Variants in MTSS1 observed in about 807,000 individuals in gnomAD.
The protein encoded by MTSS1 is MTSS I-BAR domain containing 1.
Under a neutral mutation model 79.0 loss-of-function variants are expected in MTSS1, and 18 were observed. The ratio of observed to expected loss-of-function variants is 0.23; its 90% CI spans 0.16 to 0.34. The LOEUF is 0.34. MTSS1 is among the 10% of genes least tolerant of loss of function. The probability of loss-of-function intolerance (pLI) is 1.00; values close to 1 mark genes in which losing one functional copy is unlikely to be tolerated. For synonymous variants in MTSS1, 341 were observed against 368.6 expected, an observed-to-expected ratio of 0.93 and a Z score of 0.86; for missense variants, 815 against 986.2, an observed-to-expected ratio of 0.83 and a Z score of 2.33.
At chr8:124,614,227 C>T (rs889523444) in intron 3 of MTSS1, among the ~76,000 whole-genome samples, 3 of 151,902 alleles carry the variant, frequency 2.0e-5, no homozygotes, top group African/African-American at 4.8e-5. Flanking sequence ...ACATGGGTCC[C>T]GCCCCACACA....
intron 6 of MTSS1, chr8:124,580,526 C>G: frequency 6.5e-7 from 1 of 1,535,860 alleles, no homozygotes; most frequent in Non-Finnish European, 8.7e-7. Flanking sequence ...GAGCAGCCAC[C>G]AGAGATTTGG....
chr8:124,573,440 A>G (rs1828281821), intron 6 of MTSS1, among the ~76,000 whole-genome samples: 1 of 152,188 alleles, frequency 6.6e-6, no homozygotes, highest in South Asian at 2.1e-4. Flanking sequence ...TTATTTCTCT[A>G]GTTATTTGAT....
chr8:124,603,732 C>A lies in MTSS1; in HGVS notation c.209-12497G>T, dbSNP rs1444911247. On this transcript the variant is annotated intron_variant, in intron 3 of 13. Coordinates refer to ENST00000518547, the MANE Select transcript of MTSS1 (RefSeq NM_014751.6). ...GAGATCAGACTCTGTTCACACGAGA[C>A]AAATATCCCCTCTCCAATCATTAGA... 3.3e-5 allele frequency among the ~76,000 whole-genome samples: 5 copies of A among 152,282 alleles called. No individual in the cohort carries two copies. The East Asian group carries it at 9.6e-4, about 29-fold the overall frequency.
At chr8:124,662,864 G>A (rs10094237) in intron 3 of MTSS1, among the ~76,000 whole-genome samples, 3,593 of 152,174 alleles carry the variant, frequency 0.024, 157 homozygotes, top group African/African-American at 0.08. Flanking sequence ...CAAGGGGACC[G>A]TGTAATGTAC....
intron 3 of MTSS1, among the ~76,000 whole-genome samples, chr8:124,692,105 T>C (rs1184061598): frequency 6.7e-6 from 1 of 149,540 alleles, no homozygotes; most frequent in African/African-American, 2.5e-5. Flanking sequence ...TCTTGGCTCA[T>C]TGCAACCTCC....
In MTSS1 at chr8:124,707,418, AAC is replaced by A. The variant is rs1483047267; in HGVS notation, c.73-3229_73-3228del. Reference sequence around the variant, plus strand: ...AAAAAAAAAAACAAACAAACAAACAAACAAAAAAAAAACACCAGGCCAGGCAC... The same window carrying A: ...AAAAAAAAAAACAAACAAACAAACAAAAAAAAAAAACACCAGGCCAGGCAC... On this transcript the variant is annotated intron_variant, in intron 1 of 13. Coordinates refer to ENST00000518547, the MANE Select transcript of MTSS1 (RefSeq NM_014751.6). Among the ~76,000 whole-genome samples the A allele has an allele frequency of 8.6e-3, 1,267 of 146,804 alleles. 16 individuals carry two copies. Among genetic ancestry groups the A allele is most frequent in the African/African-American group, 0.028 (1,103 of 39,152 alleles).
chr8:124,556,538 G>T, intron 11 of MTSS1, 133 bp from the exon 12 acceptor site: 1 of 1,001,544 alleles, frequency 1.0e-6, no homozygotes, highest in Non-Finnish European at 1.4e-6. Flanking sequence ...CAAGCCACAG[G>T]CCCTCTGCAT....
At position 124,552,842 on chromosome 8, in the gene MTSS1, T is replaced by A. The variant is rs1345708892; in HGVS notation, c.*150A>T. ...GTCAGTTACATAGGTTGGTTTTAAT[T>A]CTTATCTAAAGGTGTCGAGTACTTT... On this transcript the variant is annotated 3_prime_UTR_variant, in exon 14 of 14. Coordinates refer to ENST00000518547, the MANE Select transcript of MTSS1 (RefSeq NM_014751.6). The A allele has an allele frequency of 1.3e-5, 9 of 701,904 alleles. No individual in the cohort carries two copies. In the East Asian group the frequency reaches 2.2e-4, roughly 17 times the overall value. The allele number at this position is 701,904 out of a possible 1,614,324, so 43.5% of individuals were successfully genotyped here.
intron 6 of MTSS1, among the ~76,000 whole-genome samples, chr8:124,581,839 C>T (rs115009926): frequency 0.013 from 1,942 of 152,258 alleles, 49 homozygotes; most frequent in African/African-American, 0.045. Flanking sequence ...GGGTGGCACA[C>T]GTAGGTAAAT....
At chr8:124,716,128 G>C (rs1277818963) in intron 1 of MTSS1, among the ~76,000 whole-genome samples, 1 of 152,182 alleles carries the variant, frequency 6.6e-6, no homozygotes, top group Non-Finnish European at 1.5e-5. Flanking sequence ...ACGCAGTCTA[G>C]CAGTAAAGCT....
At chr8:124,594,462 G>A (rs1329686062) in intron 3 of MTSS1, among the ~76,000 whole-genome samples, 1 of 152,102 alleles carries the variant, frequency 6.6e-6, no homozygotes, top group Admixed American at 6.5e-5. Context: ...CCCAGGAGGT[G>A]GAGGTTACAG....
At chr8:124,713,908 C>T (rs1023182453) in intron 1 of MTSS1, among the ~76,000 whole-genome samples, 6 of 151,112 alleles carry the variant, frequency 4.0e-5, no homozygotes, top group African/African-American at 7.3e-5. Context: ...CTACCACACC[C>T]GACTAATTTT....
At chr8:124,674,781 T>C (rs3097626) in intron 3 of MTSS1, among the ~76,000 whole-genome samples, 1 of 152,130 alleles carries the variant, frequency 6.6e-6, no homozygotes, top group Non-Finnish European at 1.5e-5. Flanking sequence ...TGGAGTGCAG[T>C]GGCACTCTCA....
At chr8:124,651,134 G>A (rs1339266713) in intron 3 of MTSS1, among the ~76,000 whole-genome samples, 3 of 152,134 alleles carry the variant, frequency 2.0e-5, no homozygotes, top group Non-Finnish European at 2.9e-5. Flanking sequence ...TTGTCTTCTC[G>A]TGTGTACTGT....
chr8:124,655,594 TTC>T (rs1332871754), intron 3 of MTSS1, among the ~76,000 whole-genome samples: 1 of 152,202 alleles, frequency 6.6e-6, no homozygotes, highest in Non-Finnish European at 1.5e-5. Context: ...GATGAAAGCT[TTC>T]TGTCTTTTTA....
chr8:124,575,900 G>A (rs192817118), intron 6 of MTSS1, among the ~76,000 whole-genome samples: 46 of 152,122 alleles, frequency 3.0e-4, no homozygotes, highest in Middle Eastern at 3.4e-3. Context: ...CCTGACTACC[G>A]GATCCAGAAA....
intron 1 of MTSS1, among the ~76,000 whole-genome samples, chr8:124,714,618 T>C (rs1831651712): frequency 6.6e-6 from 1 of 152,032 alleles, no homozygotes; most frequent in Non-Finnish European, 1.5e-5. Context: ...TGTGCCATCA[T>C]GTTCAGCTAA....
chr8:124,613,964 C>T (rs914166357), intron 3 of MTSS1, among the ~76,000 whole-genome samples: 2 of 152,082 alleles, frequency 1.3e-5, no homozygotes, highest in African/African-American at 4.8e-5. Context: ...GAGTTCAAGA[C>T]CAGCTTGGAC....
chr8:124,678,833 G>C lies in MTSS1; in HGVS notation c.208+20693C>G, dbSNP rs191176425. On this transcript the variant is annotated intron_variant, in intron 3 of 13. Transcript: ENST00000518547. ...CACAAAGATGAACAAGGTAGACCCAGTCTCTACCATCACGGAACCTGCAGA... is the reference window on the plus strand; with the variant it reads ...CACAAAGATGAACAAGGTAGACCCACTCTCTACCATCACGGAACCTGCAGA... Among the ~76,000 whole-genome samples, 728 of 152,328 alleles carry C rather than the reference G, an allele frequency of 4.8e-3. 9 individuals are homozygous for C. The highest frequency in any genetic ancestry group is 0.017 in the African/African-American group (699 of 41,576).
Sources: gnomAD v4.1 joint callset for allele counts (sites outside exome capture counted in the v4.1 genomes callset) on GRCh38, gnomAD v4.1.1 for gene constraint, MANE v1.5 for transcripts, NCBI Gene and HGNC (gene_info 2026-07-23, HGNC 2026-07-21) for gene names.